DSE: variants seen among roughly 807,000 people sequenced by gnomAD.
The protein encoded by DSE is dermatan-sulfate epimerase.
In DSE, 36 loss-of-function variants were observed where a neutral mutation model predicts 84.4. The ratio of observed to expected loss-of-function variants is 0.43; its 90% CI spans 0.33 to 0.56. The LOEUF is 0.56. Among genes scored for constraint, DSE ranks in the 20% least tolerant of loss-of-function variants. DSE has a pLI of 0.06. For synonymous variants in DSE, 410 were observed against 430.1 expected (o/e 0.95, Z 0.58); for missense variants, 862 against 1,169.6 (o/e 0.74, Z 3.84).
chr6:116,368,268 G>T (rs913474034), upstream of DSE, among the ~76,000 whole-genome samples: 7 of 152,176 alleles, frequency 4.6e-5, no homozygotes, highest in African/African-American at 1.2e-4. Flanking sequence ...ATAGGACAAG[G>T]TAACATGTGG....
chr6:116,435,867 T>C lies in DSE; in HGVS notation c.1399T>C (p.Phe467Leu), dbSNP rs1344672578. Residue 467 changes from phenylalanine (F) to leucine (L), a missense_variant, in exon 6 of 6, where the codon TTC becomes CTC. Physicochemically the swap from Phe to Leu is conservative, Grantham distance 22. This residue lies in a region of DSE where 186 missense variants were observed against 255.1 expected (regional missense o/e 0.73). Coordinates refer to ENST00000644252, the MANE Select transcript of DSE (RefSeq NM_013352.4). ...TACTTTTGCTCCCAATGGTGTGCCTTTCATTACTGAGGCTCTGTACGGGCC... is the reference window on the plus strand; with the variant it reads ...TACTTTTGCTCCCAATGGTGTGCCTCTCATTACTGAGGCTCTGTACGGGCC... ...SFTFAPNGVPFITEALYGPKY... is the reference protein window; with the variant it reads ...SFTFAPNGVPLITEALYGPKY... 1 of 1,614,082 alleles carries C rather than the reference T, an allele frequency of 6.2e-7. No individual in the cohort carries two copies. The highest frequency in any genetic ancestry group is 1.7e-5 in the Admixed American group (1 of 59,990).
At chr6:116,345,608 C>T (rs1777907176) in intron 2 of DSE, among the ~76,000 whole-genome samples, 1 of 152,128 alleles carries the variant, frequency 6.6e-6, no homozygotes. Flanking sequence ...CTCTGGGACA[C>T]ATTTAAAGCA....
Position 116,281,362 on chromosome 6 carries a change from TTG to T in DSE, c.-54+22398_-54+22399del, listed in dbSNP as rs1175957554. ...ACTCCAGCACTATAAGAAAATAAAT[TTG>T]TGCATTTTAAGCTATTAAATTTGTG... On this transcript the variant is annotated intron_variant, in intron 2 of 3. Coordinates refer to the DSE transcript ENST00000430252. Among the ~76,000 whole-genome samples the T allele has an allele frequency of 2.0e-5, 3 of 152,302 alleles. No individual in the cohort carries two copies. The South Asian group carries it at 6.2e-4, about 32-fold the overall frequency.
intron 2 of DSE, among the ~76,000 whole-genome samples, chr6:116,264,569 T>C (rs1772541071): frequency 6.6e-6 from 1 of 152,130 alleles, no homozygotes; most frequent in Admixed American, 6.6e-5. Flanking sequence ...ATATTCTGAA[T>C]GTCATTTAAG....
chr6:116,266,118 C>T (rs1006433327), intron 2 of DSE, among the ~76,000 whole-genome samples: 3 of 152,172 alleles, frequency 2.0e-5, no homozygotes, highest in Admixed American at 6.5e-5. Flanking sequence ...GCTTTCTCCC[C>T]TTTTAACCCA....
intron 1 of DSE, among the ~76,000 whole-genome samples, chr6:116,373,496 T>A (rs1156979741): frequency 6.6e-6 from 1 of 152,220 alleles, no homozygotes; most frequent in Non-Finnish European, 1.5e-5. Flanking sequence ...GAAAAAGCAC[T>A]GGGTGAGACA....
chr6:116,440,937 CT>C lies in DSE; in HGVS notation c.*3593del, dbSNP rs1784405062. 2 of 152,194 alleles carry C rather than the reference CT, an allele frequency of 1.3e-5. No homozygotes were observed. The highest frequency in any genetic ancestry group is 4.8e-5 in the African/African-American group (2 of 41,448). The allele number at this position is 152,194 out of a possible 1,614,324, so 9.4% of individuals were successfully genotyped here. A position where few individuals can be genotyped will look rare whatever the true frequency, so the allele number is the denominator to read the frequency against. On this transcript the variant is annotated 3_prime_UTR_variant, in exon 6 of 6. Coordinates refer to ENST00000644252, the MANE Select transcript of DSE (RefSeq NM_013352.4). ...GGGGGCCTGATCCTTTCCCTGTTCG[CT>C]GTGTATTCCCTGTCTGTGGCAAAGC... is the stretch of plus-strand genomic sequence containing the variant.
At chr6:116,364,828 C>CTTT (rs1211909933) in intron 2 of DSE, among the ~76,000 whole-genome samples, 35 of 131,160 alleles carry the variant, frequency 2.7e-4, no homozygotes, top group African/African-American at 4.1e-4. Flanking sequence ...TTTAGTAACA[C>CTTT]TTTTTTTTTT....
chr6:116,436,477 A>T lies in DSE; in HGVS notation c.2009A>T (p.Asp670Val), dbSNP rs1784161954. The T allele has an allele frequency of 6.2e-7, 1 of 1,614,146 alleles. No homozygotes were observed. Among genetic ancestry groups the T allele is most frequent in the Non-Finnish European group, 8.5e-7 (1 of 1,180,000 alleles). Residue 670 changes from aspartate (D) to valine (V), a missense_variant, in exon 6 of 6, where the codon GAT (aspartate) becomes GTT (valine). Physicochemically the swap from Asp to Val is radical, Grantham distance 152. This residue lies in a region of DSE where 315 missense variants were observed against 348.1 expected (regional missense o/e 0.90). Transcript: ENST00000644252. ...AAYLFIGPSI[D>V]VQSFTVHGDS... Reference sequence around the variant, plus strand: ...TACCTCTTCATAGGGCCATCTATAGATGTTCAGAGCTTCACTGTCCACGGA... The same window carrying T: ...TACCTCTTCATAGGGCCATCTATAGTTGTTCAGAGCTTCACTGTCCACGGA...
chr6:116,408,910 TG>T (rs1782112226), intron 2 of DSE, among the ~76,000 whole-genome samples: 1 of 152,232 alleles, frequency 6.6e-6, no homozygotes, highest in African/African-American at 2.4e-5. Context: ...CTTCAGTCTT[TG>T]AAATGAATGG....
At chr6:116,372,617 C>G (rs1779670298) in intron 1 of DSE, among the ~76,000 whole-genome samples, 1 of 152,162 alleles carries the variant, frequency 6.6e-6, no homozygotes, top group Non-Finnish European at 1.5e-5. Flanking sequence ...TTGTTTCATG[C>G]AAATACTTAG....
intron 1 of DSE, among the ~76,000 whole-genome samples, chr6:116,393,565 G>A (rs1345879240): frequency 6.6e-6 from 1 of 152,184 alleles, no homozygotes; most frequent in East Asian, 1.9e-4. Context: ...CATCACACAT[G>A]TCTAATCACC....
At chr6:116,256,207 T>A (rs899032161) in intron 1 of DSE, 2 of 152,226 alleles carry the variant, frequency 1.3e-5, no homozygotes, top group Non-Finnish European at 2.9e-5. Flanking sequence ...GTATAGCCCT[T>A]ATGACTTTTA....
Position 116,437,574 on chromosome 6 carries a change from T to C in DSE, c.*229T>C, listed in dbSNP as rs925060415. ...GGTCCTATGGTGTTTTTGGAAGTATTTGGCATTGCTAATTGAGCAGTCCAT... is the reference window on the plus strand; with the variant it reads ...GGTCCTATGGTGTTTTTGGAAGTATCTGGCATTGCTAATTGAGCAGTCCAT... On this transcript the variant is annotated 3_prime_UTR_variant, in exon 6 of 6. Coordinates refer to ENST00000644252, the MANE Select transcript of DSE (RefSeq NM_013352.4). 2 of 465,008 alleles carry C rather than the reference T, an allele frequency of 4.3e-6. No homozygotes were observed. Among genetic ancestry groups the C allele is most frequent in the African/African-American group, 4.0e-5 (2 of 49,612 alleles). 28.8% of individuals were successfully genotyped at this position (465,008 alleles called of 1,614,324 possible).
chr6:116,279,893 C>G (rs1773405000), intron 2 of DSE: 12 of 1,608,340 alleles, frequency 7.5e-6, no homozygotes, highest in African/African-American at 2.7e-5. Flanking sequence ...GAACTGGGAG[C>G]TAACCGCCGC....
chr6:116,286,356 C>G (rs1208669516), intron 2 of DSE, among the ~76,000 whole-genome samples: 1 of 152,046 alleles, frequency 6.6e-6, no homozygotes, highest in Non-Finnish European at 1.5e-5. Flanking sequence ...ACACAATTTT[C>G]TTCTCTCTTC....
intron 1 of DSE, among the ~76,000 whole-genome samples, chr6:116,391,999 A>C (rs957792611): frequency 1.3e-5 from 2 of 152,226 alleles, no homozygotes. Context: ...TCTTCAAAAA[A>C]TTATTTTAAT....
intron 2 of DSE, among the ~76,000 whole-genome samples, chr6:116,419,356 A>G (rs1782929718): frequency 6.6e-6 from 1 of 152,248 alleles, no homozygotes; most frequent in African/African-American, 2.4e-5. Flanking sequence ...ATGAATCACT[A>G]CTGCATTAGT....
At chr6:116,256,103 T>C (rs1419320281) in intron 1 of DSE, 4 of 152,234 alleles carry the variant, frequency 2.6e-5, no homozygotes, top group African/African-American at 9.6e-5. Flanking sequence ...ATGCCCATGG[T>C]CACATATGTA....
Sources: allele counts gnomAD v4.1 joint callset (sites outside exome capture counted in the v4.1 genomes callset), GRCh38; gene constraint gnomAD v4.1.1; regional missense constraint gnomAD v4.1.1; transcripts MANE v1.5; gene names NCBI Gene and HGNC (gene_info 2026-07-23, HGNC 2026-07-21).